Variants in ZFHX3 observed in about 807,000 individuals in gnomAD.
The protein encoded by ZFHX3 is zinc finger homeobox protein 3.
ZFHX3 carries 42 observed loss-of-function variants against 279.1 expected under a neutral mutation model. The ratio of observed to expected loss-of-function variants is 0.15; its 90% CI spans 0.12 to 0.19. The LOEUF is 0.19. Ranked by LOEUF, ZFHX3 falls within the 10% of genes least tolerant of loss-of-function variation. The pLI, the probability that ZFHX3 is intolerant of heterozygous loss-of-function variation, is 1.00. For synonymous variants in ZFHX3, 2,293 were observed against 1,957.8 expected (o/e 1.17, Z -4.52); for missense variants, 4,981 against 4,754.0 (o/e 1.05, Z -1.40).
intron 3 of ZFHX3, among the ~76,000 whole-genome samples, chr16:72,902,061 T>C (rs1275995502): frequency 6.6e-6 from 1 of 152,216 alleles, no homozygotes; most frequent in South Asian, 2.1e-4. Context: ...GCAATAATTA[T>C]TGAATTTCCT....
At chr16:73,098,508 C>T (rs1434040467) in intron 7 of ZFHX3, among the ~76,000 whole-genome samples, 1 of 152,160 alleles carries the variant, frequency 6.6e-6, no homozygotes, top group Non-Finnish European at 1.5e-5. Context: ...ATGACAGGCA[C>T]ATGCCACCAC....
intron 3 of ZFHX3, among the ~76,000 whole-genome samples, chr16:73,320,499 C>T (rs2143194897): frequency 6.6e-6 from 1 of 152,288 alleles, no homozygotes; most frequent in Non-Finnish European, 1.5e-5. Flanking sequence ...GGGAAGATTT[C>T]CTTTGGAAAT....
At chr16:73,845,410 G>A (rs1317797890) in intron 1 of ZFHX3, among the ~76,000 whole-genome samples, 2 of 152,082 alleles carry the variant, frequency 1.3e-5, no homozygotes, top group Admixed American at 6.5e-5. Context: ...CCTGGGTGGT[G>A]AGACCAGCCC....
chr16:72,910,856 T>A (rs544985528), intron 3 of ZFHX3, among the ~76,000 whole-genome samples: 3 of 152,276 alleles, frequency 2.0e-5, no homozygotes, highest in African/African-American at 4.8e-5. Context: ...TGTCAGCAAT[T>A]ACCTAGAAAA....
At chr16:72,947,008 T>C (rs1441262712) in intron 3 of ZFHX3, among the ~76,000 whole-genome samples, 2 of 152,236 alleles carry the variant, frequency 1.3e-5, no homozygotes, top group Non-Finnish European at 2.9e-5. Context: ...TCTGGGCTTC[T>C]TGCTATGTCA....
intron 1 of ZFHX3, among the ~76,000 whole-genome samples, chr16:73,867,718 C>T (rs1479341233): frequency 6.6e-6 from 1 of 152,192 alleles, no homozygotes; most frequent in Non-Finnish European, 1.5e-5. Context: ...CCCATTCCCC[C>T]TCCCAAATGC....
intron 5 of ZFHX3, among the ~76,000 whole-genome samples, chr16:73,239,904 C>T (rs1567427143): frequency 6.6e-6 from 1 of 152,176 alleles, no homozygotes; most frequent in Non-Finnish European, 1.5e-5. Flanking sequence ...AACCATCGCT[C>T]CTAGGGGAAA....
chr16:72,879,303 G>T (rs551765651), intron 4 of ZFHX3, among the ~76,000 whole-genome samples: 2 of 152,232 alleles, frequency 1.3e-5, no homozygotes, highest in East Asian at 3.9e-4. Flanking sequence ...TACCCTAATG[G>T]GTCATAGAAA....
intron 1 of ZFHX3, among the ~76,000 whole-genome samples, chr16:73,011,689 T>C (rs1407416052): frequency 6.6e-6 from 1 of 151,846 alleles, no homozygotes; most frequent in Non-Finnish European, 1.5e-5. Flanking sequence ...TGCCACTGCA[T>C]TCCAGGCTAG....
intron 1 of ZFHX3, among the ~76,000 whole-genome samples, chr16:73,836,029 C>T (rs577716206): frequency 7.8e-4 from 118 of 152,142 alleles, no homozygotes; most frequent in African/African-American, 2.4e-3. Flanking sequence ...TGGAGGAAAA[C>T]GGAATTGTAT....
At chr16:73,118,071 T>A (rs1368447966) in intron 7 of ZFHX3, among the ~76,000 whole-genome samples, 1 of 152,200 alleles carries the variant, frequency 6.6e-6, no homozygotes, top group Admixed American at 6.5e-5. Flanking sequence ...AGCAGTACAG[T>A]CCTCAGAGAA....
chr16:73,603,455 G>C (rs1174566608), intron 2 of ZFHX3, among the ~76,000 whole-genome samples: 1 of 151,988 alleles, frequency 6.6e-6, no homozygotes, highest in Non-Finnish European at 1.5e-5. Flanking sequence ...TAAACAATAA[G>C]ATGGGCAAAG....
At chr16:73,861,858 G>T (rs941760836) in intron 1 of ZFHX3, among the ~76,000 whole-genome samples, 1 of 152,136 alleles carries the variant, frequency 6.6e-6, no homozygotes, top group Non-Finnish European at 1.5e-5. Context: ...ACTAATACCT[G>T]ATTACTACAG....
intron 2 of ZFHX3, among the ~76,000 whole-genome samples, chr16:73,660,129 A>T (rs1039486308): frequency 2.6e-5 from 4 of 152,242 alleles, no homozygotes; most frequent in Admixed American, 2.6e-4. Context: ...CACCCGAGGC[A>T]AAATTTAGGA....
chr16:73,225,629 G>C (rs1284650988), intron 5 of ZFHX3, among the ~76,000 whole-genome samples: 1 of 152,096 alleles, frequency 6.6e-6, no homozygotes, highest in Non-Finnish European at 1.5e-5. Context: ...GAAAAGATTT[G>C]AATAAATGTC....
intron 3 of ZFHX3, among the ~76,000 whole-genome samples, chr16:73,366,128 T>G (rs2016524539): frequency 6.6e-6 from 1 of 152,182 alleles, no homozygotes; most frequent in Non-Finnish European, 1.5e-5. Context: ...TAGGATACTT[T>G]AAAAGAATGG....
At chr16:73,011,827 C>T (rs777303691) in intron 1 of ZFHX3, among the ~76,000 whole-genome samples, 3 of 151,722 alleles carry the variant, frequency 2.0e-5, no homozygotes, top group Non-Finnish European at 4.4e-5. Context: ...AATTAAGATG[C>T]CCCTCCTCAA....
At chr16:73,014,445 T>G (rs1964023338) in intron 1 of ZFHX3, 1 of 148,948 alleles carries the variant, frequency 6.7e-6, no homozygotes, top group South Asian at 2.1e-4. Flanking sequence ...ACATACTACA[T>G]CCTTACAGAA....
At chr16:73,625,763 C>T (rs1462188642) in intron 2 of ZFHX3, among the ~76,000 whole-genome samples, 1 of 152,198 alleles carries the variant, frequency 6.6e-6, no homozygotes, top group African/African-American at 2.4e-5. Context: ...CTAACAAGCT[C>T]CCAAAGTGAT....
Sources: gnomAD v4.1 joint callset for allele counts (sites outside exome capture counted in the v4.1 genomes callset) on GRCh38, gnomAD v4.1.1 for gene constraint, MANE v1.5 for transcripts, NCBI Gene and HGNC (gene_info 2026-07-23, HGNC 2026-07-21) for gene names.